The following GABRA3 variants were observed in gnomAD, a reference collection of about 807,000 sequenced individuals.
The protein encoded by GABRA3 is gamma-aminobutyric acid receptor subunit alpha-3.
A neutral mutation model predicts 30.1 loss-of-function variants in GABRA3; 10 were observed. The observed-to-expected ratio is 0.33, with a 90% CI of 0.20 to 0.56. The LOEUF (loss-of-function observed/expected upper bound fraction) is 0.56, where lower values mean the gene tolerates loss of function less well. Among genes scored for constraint, GABRA3 ranks in the 20% least tolerant of loss-of-function variants. The pLI is 0.89. For missense variants in GABRA3, 233 were observed against 392.0 expected (o/e 0.59, Z 3.42); for synonymous variants, 151 against 146.8 (o/e 1.03, Z -0.21).
chrX:152,416,982 A>G (rs1930242459), intron 1 of GABRA3, among the ~76,000 whole-genome samples: 1 of 104,873 alleles, frequency 9.5e-6, no homozygotes, highest in South Asian at 4.6e-4. Context: ...CTTCATGTCT[A>G]AAACACCAAA....
At chrX:152,169,698 C>A (rs1936979635) in intron 9 of GABRA3, among the ~76,000 whole-genome samples, 1 of 111,752 alleles carries the variant, frequency 8.9e-6, no homozygotes, top group Non-Finnish European at 1.9e-5. Flanking sequence ...TTTCTTCCAT[C>A]CCAGTTTGGC....
intron 1 of GABRA3, chrX:152,392,251 G>A (rs1344210473): frequency 5.2e-6 from 2 of 386,817 alleles, no homozygotes; most frequent in Non-Finnish European, 1.0e-5. Context: ...AACATCCGTG[G>A]TGCATGAGCA....
intron 5 of GABRA3, among the ~76,000 whole-genome samples, chrX:152,240,133 C>A (rs1486148685): frequency 6.8e-5 from 7 of 102,253 alleles, no homozygotes; most frequent in African/African-American, 2.8e-4. Context: ...CAGCTGGTAC[C>A]GGTTGTTCCT....
intron 1 of GABRA3, among the ~76,000 whole-genome samples, chrX:152,401,218 A>T (rs1257012100): frequency 9.2e-6 from 1 of 108,280 alleles, no homozygotes; most frequent in African/African-American, 3.4e-5. Flanking sequence ...TATCTCTAAC[A>T]GGAGGATAAT....
chrX:152,446,733 T>C (rs1450372577), intron 1 of GABRA3, among the ~76,000 whole-genome samples: 1 of 111,506 alleles, frequency 9.0e-6, no homozygotes, highest in Non-Finnish European at 1.9e-5. Flanking sequence ...TATTACTACC[T>C]GTGTGGCCTC....
rs149205982 is a variant in GABRA3 at position 152,316,574 on chromosome X, A to T, written c.262+29007T>A. 7.8e-3 allele frequency among the ~76,000 whole-genome samples: 875 copies of T among 111,875 alleles called. 10 individuals are homozygous for T. The highest frequency in any genetic ancestry group is 0.027 in the African/African-American group (839 of 30,776). On this transcript the variant is annotated intron_variant, in intron 3 of 9. Coordinates refer to ENST00000370314, the MANE Select transcript of GABRA3 (RefSeq NM_000808.4). ...CATAGTCATCAGGTTATCTAAAGTG[A>T]AGACAAAGGAGAGAATCTTAAGAGC...
chrX:152,249,031 C>G (rs1938508495), intron 5 of GABRA3, among the ~76,000 whole-genome samples: 1 of 111,499 alleles, frequency 9.0e-6, no homozygotes, highest in African/African-American at 3.3e-5. Flanking sequence ...CACTTCTTCA[C>G]TATCATCCCT....
chrX:152,297,507 T>C (rs1014902989), intron 3 of GABRA3, among the ~76,000 whole-genome samples: 1 of 111,693 alleles, frequency 9.0e-6, no homozygotes, highest in East Asian at 2.9e-4. Flanking sequence ...AACTCTCCTT[T>C]TGCTTTTTCC....
chrX:152,263,587 T>C (rs1938770005), intron 4 of GABRA3, among the ~76,000 whole-genome samples: 1 of 109,568 alleles, frequency 9.1e-6, no homozygotes, highest in Non-Finnish European at 1.9e-5. Flanking sequence ...AACAAGAAAA[T>C]AGCCTCAAAA....
At chrX:152,330,554 A>G (rs2044614510) in intron 3 of GABRA3, among the ~76,000 whole-genome samples, 1 of 111,396 alleles carries the variant, frequency 9.0e-6, no homozygotes, top group African/African-American at 3.3e-5. Flanking sequence ...TTTTTGGGAC[A>G]TGGATGAAAC....
intron 7 of GABRA3, among the ~76,000 whole-genome samples, chrX:152,206,046 G>T (rs1482842275): frequency 8.9e-6 from 1 of 112,822 alleles, no homozygotes; most frequent in Non-Finnish European, 1.9e-5. Flanking sequence ...AAATGAAGTG[G>T]GAGTGGGGTC....
rs1326642656 is a variant in GABRA3 at position 152,240,042 on chromosome X, G to A, written c.552-15197C>T. Among the ~76,000 whole-genome samples the A allele has an allele frequency of 3.2e-5, 3 of 94,668 alleles. 1 individual carries two copies. Among genetic ancestry groups the A allele is most frequent in the East Asian group, 8.1e-4 (2 of 2,477 alleles). 82.2% of individuals were successfully genotyped at this position (94,668 alleles called of 115,157 possible). On this transcript the variant is annotated intron_variant, in intron 5 of 9. Transcript: ENST00000370314. ...GTGAATTTGATCCTGTCATTATGAT[G>A]TTAGCTGGTGATTTTGCTCGTTAGT...
chrX:152,236,159 C>T (rs1375299919), intron 5 of GABRA3, among the ~76,000 whole-genome samples: 1 of 52,903 alleles, frequency 1.9e-5, no homozygotes, highest in African/African-American at 6.6e-5. Context: ...CCCACCCCAC[C>T]ACAGTCCCCA....
intron 1 of GABRA3, among the ~76,000 whole-genome samples, chrX:152,408,625 T>A (rs1316983149): frequency 9.0e-6 from 1 of 111,309 alleles, no homozygotes; most frequent in Non-Finnish European, 1.9e-5. Context: ...TGTTAAAATG[T>A]CCATTCTATG....
At chrX:152,170,516 A>G (rs369663039) in intron 9 of GABRA3, among the ~76,000 whole-genome samples, 1 of 111,472 alleles carries the variant, frequency 9.0e-6, no homozygotes. Context: ...ATGTCTCACT[A>G]TGTTGCCCAG....
In GABRA3 at chrX:152,443,679, G is replaced by T. The variant is rs182645528; in HGVS notation, c.-27+7467C>A. Among the ~76,000 whole-genome samples, 24 of 111,480 alleles carry T rather than the reference G, an allele frequency of 2.2e-4. No homozygotes were observed. The East Asian group carries it at 6.5e-3, about 30-fold the overall frequency. ...TGACACAAACCAAAGGTTTAAAAAA[G>T]TAAAGCAAGAAAGGGGAAGAGTGAG... On this transcript the variant is annotated intron_variant, in intron 1 of 9. Transcript: ENST00000370314.
intron 3 of GABRA3, among the ~76,000 whole-genome samples, chrX:152,312,693 C>A (rs749795941): frequency 8.9e-6 from 1 of 111,764 alleles, no homozygotes; most frequent in Non-Finnish European, 1.9e-5. Context: ...TGTAAATGGA[C>A]AGCCTACAGA....
At chrX:152,448,972 C>T (rs748977114) in intron 1 of GABRA3, among the ~76,000 whole-genome samples, 7 of 111,074 alleles carry the variant, frequency 6.3e-5, no homozygotes, top group Non-Finnish European at 1.1e-4. Context: ...TAGAAAACTC[C>T]GTAGGGTCAA....
At chrX:152,427,948 C>A (rs1237253014) in intron 1 of GABRA3, among the ~76,000 whole-genome samples, 1 of 111,949 alleles carries the variant, frequency 8.9e-6, no homozygotes, top group Non-Finnish European at 1.9e-5. Context: ...CTTCAGCACA[C>A]CAAAACATCT....
Sources: allele counts gnomAD v4.1 joint callset (sites outside exome capture counted in the v4.1 genomes callset), GRCh38; gene constraint gnomAD v4.1.1; transcripts MANE v1.5; gene names NCBI Gene and HGNC (gene_info 2026-07-23, HGNC 2026-07-21).